KBTBD12: variants seen among roughly 807,000 people sequenced by gnomAD.
KBTBD12 encodes the protein kelch repeat and BTB domain containing 12.
In KBTBD12, 53 loss-of-function variants were observed where a neutral mutation model predicts 58.7. The observed-to-expected ratio is 0.90, with a 90% CI of 0.72 to 1.14. The LOEUF is 1.14. Ranked by LOEUF, KBTBD12 falls within the 50% of genes most tolerant of loss-of-function variation. The pLI is 0.00. For synonymous variants in KBTBD12, 236 were observed against 259.8 expected, an observed-to-expected ratio of 0.91 and a Z score of 0.88; for missense variants, 704 against 751.3, an observed-to-expected ratio of 0.94 and a Z score of 0.74.
intron 5 of KBTBD12, among the ~76,000 whole-genome samples, chr3:127,972,233 C>A (rs1940695444): frequency 6.6e-6 from 1 of 152,164 alleles, no homozygotes; most frequent in Non-Finnish European, 1.5e-5. Context: ...AGAAGTCAAA[C>A]AGAGGGTAAA....
At chr3:127,947,381 G>A (rs1398620025) in intron 4 of KBTBD12, among the ~76,000 whole-genome samples, 1 of 152,120 alleles carries the variant, frequency 6.6e-6, no homozygotes, top group Non-Finnish European at 1.5e-5. Flanking sequence ...AGTCTTCCCC[G>A]CCACTCCTGA....
intron 5 of KBTBD12, among the ~76,000 whole-genome samples, chr3:127,977,427 G>C (rs896267810): frequency 1.3e-5 from 2 of 152,196 alleles, no homozygotes; most frequent in Non-Finnish European, 2.9e-5. Flanking sequence ...TTCCACAATG[G>C]CTGAACTAGT....
At chr3:127,950,395 G>T (rs898537963) in intron 4 of KBTBD12, among the ~76,000 whole-genome samples, 1 of 152,084 alleles carries the variant, frequency 6.6e-6, no homozygotes, top group African/African-American at 2.4e-5. Context: ...AGCAAAGTTT[G>T]GCCTCTCAGA....
chr3:127,967,656 A>T (rs1027215563), intron 5 of KBTBD12, among the ~76,000 whole-genome samples: 1 of 152,246 alleles, frequency 6.6e-6, no homozygotes, highest in African/African-American at 2.4e-5. Context: ...AATGGGGAGC[A>T]GGTCAGGGAA....
chr3:127,964,535 G>A (rs1261462613), intron 5 of KBTBD12, among the ~76,000 whole-genome samples: 3 of 151,162 alleles, frequency 2.0e-5, no homozygotes, highest in East Asian at 1.9e-4. Flanking sequence ...CCAGCTACTC[G>A]GGAGGCTGAG....
chr3:127,930,346 C>A (rs758037767), intron 4 of KBTBD12, 63 bp downstream of exon 4: 48 of 1,470,616 alleles, frequency 3.3e-5, no homozygotes, highest in Non-Finnish European at 4.3e-5. Flanking sequence ...TTTGCCTCAG[C>A]AAAAATGAAA....
At position 127,923,848 on chromosome 3, in the gene KBTBD12, C is replaced by G. The variant is rs1939492349; in HGVS notation, c.787C>G (p.His263Asp). Residue 263 changes from histidine (H) to aspartate (D), a missense_variant, in exon 2 of 6, where the codon CAC (histidine) becomes GAC (aspartate). Physicochemically the swap from His to Asp is moderately conservative, Grantham distance 81 (BLOSUM62 -1). Coordinates refer to ENST00000405109, the MANE Select transcript of KBTBD12 (RefSeq NM_207335.4). ...AFKAIKTPQQHSLNLRYGMET... is the reference protein window; with the variant it reads ...AFKAIKTPQQDSLNLRYGMET... ...CAAAGCCATCAAGACACCCCAACAG[C>G]ACTCTCTAAATCTGCGCTATGGTAT... The G allele has an allele frequency of 6.2e-7, 1 of 1,613,928 alleles. No homozygotes were observed. The highest frequency in any genetic ancestry group is 8.5e-7 in the Non-Finnish European group (1 of 1,179,850).
intron 3 of KBTBD12, 68 bp downstream of exon 3, chr3:127,928,102 T>C (rs1272182207): frequency 1.5e-6 from 2 of 1,331,820 alleles, no homozygotes; most frequent in Admixed American, 3.6e-5. Context: ...TTAAACATTG[T>C]TGTAGTTGTT....
intron 5 of KBTBD12, among the ~76,000 whole-genome samples, chr3:127,968,913 A>G (rs970629356): frequency 2.6e-5 from 4 of 152,234 alleles, no homozygotes; most frequent in Admixed American, 1.3e-4. Context: ...GATACTTAAC[A>G]AACTGGAAAT....
chr3:127,931,756 G>T (rs1385886420), intron 4 of KBTBD12, among the ~76,000 whole-genome samples: 2 of 152,114 alleles, frequency 1.3e-5, no homozygotes, highest in Non-Finnish European at 2.9e-5. Context: ...GATTTGAGTG[G>T]ATGAAATCTA....
intron 5 of KBTBD12, among the ~76,000 whole-genome samples, chr3:127,964,990 G>C (rs1445530190): frequency 6.6e-6 from 1 of 152,212 alleles, no homozygotes; most frequent in Non-Finnish European, 1.5e-5. Flanking sequence ...GAGCTGAGGA[G>C]CCAGGAGGGA....
At chr3:127,928,362 C>G (rs1462409622) in intron 3 of KBTBD12, among the ~76,000 whole-genome samples, 5 of 152,176 alleles carry the variant, frequency 3.3e-5, no homozygotes, top group Admixed American at 3.3e-4. Context: ...AAGCTGGATC[C>G]TCATCCAGTT....
At chr3:127,936,679 C>T (rs746402123) in intron 4 of KBTBD12, among the ~76,000 whole-genome samples, 28 of 152,128 alleles carry the variant, frequency 1.8e-4, no homozygotes, top group Admixed American at 1.2e-3. Flanking sequence ...GCTTTAGTTT[C>T]CCAGGCTTGC....
intron 1 of KBTBD12, among the ~76,000 whole-genome samples, chr3:127,916,176 A>G (rs1251180184): frequency 6.6e-6 from 1 of 152,192 alleles, no homozygotes; most frequent in Non-Finnish European, 1.5e-5. Context: ...AGAAAAGAAA[A>G]GAAAACTGGT....
At chr3:127,930,101 T>C in intron 3 of KBTBD12, 32 bp from the exon 4 acceptor site, 1 of 1,545,684 alleles carries the variant, frequency 6.5e-7, no homozygotes, top group Non-Finnish European at 8.8e-7. Flanking sequence ...CTAAATGATA[T>C]GTTATTATAT....
Position 127,963,222 on chromosome 3 carries a change from A to C in KBTBD12, c.1526A>C (p.Gln509Pro). Residue 509 changes from glutamine to proline, a missense_variant, in exon 5 of 6, where the codon CAG becomes CCG. Coordinates refer to ENST00000405109, the MANE Select transcript of KBTBD12 (RefSeq NM_207335.4). ...GIGCVGQDKG[Q>P]VRKCLDVVEI... ...GGCTGTGTAGGTCAAGACAAGGGCC[A>C]GGTTCGAAAATGCCTTGACGTGGTG... The C allele has an allele frequency of 6.2e-7, 1 of 1,612,170 alleles. No homozygotes were observed. Among genetic ancestry groups the C allele is most frequent in the Non-Finnish European group, 8.5e-7 (1 of 1,179,138 alleles).
At chr3:127,955,001 C>T (rs1350798942) in intron 4 of KBTBD12, among the ~76,000 whole-genome samples, 5 of 152,296 alleles carry the variant, frequency 3.3e-5, no homozygotes, top group African/African-American at 4.8e-5. Context: ...AGGCACAAGA[C>T]GTTGTTTTAC....
intron 1 of KBTBD12, among the ~76,000 whole-genome samples, chr3:127,922,201 A>T (rs980116956): frequency 5.3e-5 from 8 of 152,138 alleles, no homozygotes; most frequent in Non-Finnish European, 8.8e-5. Context: ...GTGAAGAGAG[A>T]TTCAGTCTCT....
At chr3:127,979,845 G>A (rs1217683324) in intron 5 of KBTBD12, among the ~76,000 whole-genome samples, 1 of 152,034 alleles carries the variant, frequency 6.6e-6, no homozygotes, top group African/African-American at 2.4e-5. Flanking sequence ...CATAAATTAG[G>A]GCAAAGGAAA....
Sources: gnomAD v4.1 joint callset for allele counts (sites outside exome capture counted in the v4.1 genomes callset) on GRCh38, gnomAD v4.1.1 for gene constraint, MANE v1.5 for transcripts, NCBI Gene and HGNC (gene_info 2026-07-23, HGNC 2026-07-21) for gene names.